The following FBXO11 variants were observed in gnomAD, a reference collection of about 807,000 sequenced individuals.
FBXO11 encodes the protein F-box protein 11.
A neutral mutation model predicts 117.0 loss-of-function variants in FBXO11; 13 were observed. The ratio of observed to expected loss-of-function variants is 0.11; its 90% CI spans 0.07 to 0.18. The LOEUF (loss-of-function observed/expected upper bound fraction) is 0.18, where lower values mean the gene tolerates loss of function less well. Ranked by LOEUF, FBXO11 falls within the 10% of genes least tolerant of loss-of-function variation. The pLI, the probability that FBXO11 is intolerant of heterozygous loss-of-function variation, is 1.00. For missense variants in FBXO11, 767 were observed against 1,164.4 expected, an observed-to-expected ratio of 0.66 and a Z score of 4.97; for synonymous variants, 490 against 380.5, an observed-to-expected ratio of 1.29 and a Z score of -3.35.
chr2:47,896,770 A>G (rs1677700053), intron 1 of FBXO11, among the ~76,000 whole-genome samples: 1 of 152,244 alleles, frequency 6.6e-6, no homozygotes, highest in Non-Finnish European at 1.5e-5. Flanking sequence ...GTAAGTGTGA[A>G]GTAGTATAGT....
At chr2:47,901,125 GTACATGTATA>G (rs1678251088) in intron 1 of FBXO11, among the ~76,000 whole-genome samples, 1 of 92,492 alleles carries the variant, frequency 1.1e-5, no homozygotes, top group South Asian at 3.1e-4. Context: ...ACACACGTGT[GTACATGTATA>G]TATATACACA....
At chr2:47,842,069 G>A (rs1673053511) in intron 1 of FBXO11, among the ~76,000 whole-genome samples, 2 of 151,076 alleles carry the variant, frequency 1.3e-5, no homozygotes, top group Admixed American at 1.3e-4. Context: ...AGGCTGGAGT[G>A]CAGTTGCGCG....
intron 1 of FBXO11, among the ~76,000 whole-genome samples, chr2:47,855,841 CAA>C (rs550640017): frequency 5.7e-5 from 6 of 105,300 alleles, no homozygotes; most frequent in Middle Eastern, 6.3e-3. Context: ...TCAAACAGTT[CAA>C]AAAAAAAAAA....
intron 1 of FBXO11, among the ~76,000 whole-genome samples, chr2:47,880,459 C>A (rs1022730082): frequency 2.0e-5 from 3 of 152,034 alleles, no homozygotes; most frequent in Non-Finnish European, 4.4e-5. Flanking sequence ...GTTTTCCTGG[C>A]TCCTTTCTTG....
Position 47,808,015 on chromosome 2 carries a change from C to A in FBXO11, c.*103G>T. ...TGACCTTGTGTATCCATTTTTAATA[C>A]AGTCTCTTCCTGTAGCATGGGCAAA... is the stretch of plus-strand genomic sequence containing the variant. On this transcript the variant is annotated 3_prime_UTR_variant, in exon 23 of 23. Transcript: ENST00000403359. 9.6e-7 allele frequency: 1 copy of A among 1,046,426 alleles called. No individual in the cohort carries two copies. Among genetic ancestry groups the A allele is most frequent in the Non-Finnish European group, 1.4e-6 (1 of 720,874 alleles). The allele number at this position is 1,046,426 out of a possible 1,614,324, so 64.8% of individuals were successfully genotyped here. A position where few individuals can be genotyped will look rare whatever the true frequency, so the allele number is the denominator to read the frequency against.
At position 47,835,920 on chromosome 2, in the gene FBXO11, T is replaced by G; in HGVS notation, c.669A>C (p.Pro223=). The G allele has an allele frequency of 6.2e-7, 1 of 1,611,840 alleles. No homozygotes were observed. Among genetic ancestry groups the G allele is most frequent in the Non-Finnish European group, 8.5e-7 (1 of 1,178,160 alleles). ...AGGGATTTGGATGTTCATACTCTTC[T>G]GGATTAATCTGGTAGAATTTTCCAG... ...PEPGKFYQIN[P]EEYEHPNPWK... is the part of the protein sequence containing the mutation. Residue 223 remains proline, a synonymous_variant, in exon 5 of 23, where the codon CCA becomes CCC. Coordinates refer to ENST00000403359, the MANE Select transcript of FBXO11 (RefSeq NM_001190274.2).
chr2:47,863,372 A>G (rs1279019566), intron 1 of FBXO11, among the ~76,000 whole-genome samples: 1 of 152,192 alleles, frequency 6.6e-6, no homozygotes, highest in Non-Finnish European at 1.5e-5. Context: ...AATATACTTT[A>G]ATGTCTACAA....
intron 21 of FBXO11, 105 bp from the exon 22 acceptor site, chr2:47,808,532 A>G (rs1184058437): frequency 5.0e-6 from 5 of 995,048 alleles, no homozygotes; most frequent in African/African-American, 3.3e-5. Flanking sequence ...GAGGACCAAA[A>G]CAAAATTCTT....
chr2:47,850,100 G>C (rs1393629754), intron 1 of FBXO11, among the ~76,000 whole-genome samples: 1 of 152,104 alleles, frequency 6.6e-6, no homozygotes, highest in Non-Finnish European at 1.5e-5. Flanking sequence ...TAATAAATAT[G>C]GAAGAAATGG....
intron 20 of FBXO11, 23 bp from the exon 21 acceptor site, chr2:47,809,289 TAAA>T (rs758853737): frequency 2.1e-6 from 3 of 1,413,032 alleles, no homozygotes; most frequent in South Asian, 2.5e-5. Context: ...AAAGAATAAG[TAAA>T]AATTCAGAGG....
chr2:47,808,849 T>G, intron 21 of FBXO11: 1 of 271,200 alleles, frequency 3.7e-6, no homozygotes, highest in Non-Finnish European at 6.9e-6. Flanking sequence ...CATTAGGTTT[T>G]TCCATAGTTA....
intron 1 of FBXO11, among the ~76,000 whole-genome samples, chr2:47,904,830 G>T (rs543665130): frequency 2.0e-5 from 3 of 152,036 alleles, no homozygotes; most frequent in African/African-American, 7.2e-5. Flanking sequence ...TGATTTAATG[G>T]GTCCTTCCCA....
At chr2:47,852,305 G>C (rs1673935364) in intron 1 of FBXO11, among the ~76,000 whole-genome samples, 2 of 152,046 alleles carry the variant, frequency 1.3e-5, no homozygotes, top group Admixed American at 1.3e-4. Context: ...CCATTTTATT[G>C]AAAGAAGAAA....
intron 1 of FBXO11, among the ~76,000 whole-genome samples, chr2:47,863,306 T>A (rs1674932288): frequency 6.6e-6 from 1 of 152,180 alleles, no homozygotes; most frequent in Non-Finnish European, 1.5e-5. Flanking sequence ...AATCACTAGT[T>A]GATTTTATAA....
At chr2:47,855,836 C>G (rs531501528) in intron 1 of FBXO11, among the ~76,000 whole-genome samples, 1 of 139,706 alleles carries the variant, frequency 7.2e-6, no homozygotes, top group South Asian at 2.2e-4. Flanking sequence ...CCATCTCAAA[C>G]AGTTCAAAAA....
chr2:47,888,493 T>A, intron 1 of FBXO11: 1 of 159,950 alleles, frequency 6.3e-6, no homozygotes, highest in Non-Finnish European at 1.3e-5. Flanking sequence ...ATTTACCAGA[T>A]GTTCTTTATG....
At chr2:47,825,567 TC>T in intron 11 of FBXO11, among the ~76,000 whole-genome samples, 7 of 149,352 alleles carry the variant, frequency 4.7e-5, no homozygotes, top group African/African-American at 1.5e-4. Flanking sequence ...TTTTTCTTCT[TC>T]TTCTTTTTTT....
chr2:47,898,439 T>G (rs761489856), intron 1 of FBXO11, among the ~76,000 whole-genome samples: 17 of 152,220 alleles, frequency 1.1e-4, no homozygotes, highest in African/African-American at 4.1e-4. Flanking sequence ...AATCTAAAAC[T>G]AATTTAACGC....
intron 1 of FBXO11, among the ~76,000 whole-genome samples, chr2:47,899,776 C>G (rs1187480622): frequency 6.6e-6 from 1 of 152,078 alleles, no homozygotes; most frequent in Non-Finnish European, 1.5e-5. Flanking sequence ...TCTGATAAAT[C>G]AGTGAATTGG....
Sources: gnomAD v4.1 joint callset for allele counts (sites outside exome capture counted in the v4.1 genomes callset) on GRCh38, gnomAD v4.1.1 for gene constraint, MANE v1.5 for transcripts, NCBI Gene and HGNC (gene_info 2026-07-23, HGNC 2026-07-21) for gene names.